The following FILIP1 variants were observed in gnomAD, a reference collection of about 807,000 sequenced individuals.
FILIP1 encodes filamin-A-interacting protein 1.
In FILIP1, 61 loss-of-function variants were observed where a neutral mutation model predicts 102.1. The observed-to-expected ratio is 0.60, with a 90% CI of 0.49 to 0.74. The LOEUF (loss-of-function observed/expected upper bound fraction) is 0.74. Among genes scored for constraint, FILIP1 ranks in the 30% least tolerant of loss-of-function variants. The pLI, the probability that FILIP1 is intolerant of heterozygous loss-of-function variation, is 0.00. For missense variants in FILIP1, 1,314 were observed against 1,441.2 expected (o/e 0.91, Z 1.43); for synonymous variants, 491 against 526.9 (o/e 0.93, Z 0.93).
In FILIP1 at chr6:75,312,646, T is replaced by C. The variant is rs777003017; in HGVS notation, c.3186A>G (p.Thr1062=). 1 of 1,614,226 alleles carries C rather than the reference T, an allele frequency of 6.2e-7. No individual in the cohort carries two copies. Among genetic ancestry groups the C allele is most frequent in the South Asian group, 1.1e-5 (1 of 91,088 alleles). ...KYNSNANIIT[T]EDNKIHIHLG... ...AGTGAATGTGAATTTTATTGTCCTC[T>C]GTGGTTATGATATTGGCATTGGAGT... is the stretch of plus-strand genomic sequence containing the variant. Residue 1062 remains threonine (T), a synonymous_variant, in exon 5 of 6, where the codon ACA becomes ACG. Transcript: ENST00000237172.
Position 75,314,721 on chromosome 6 carries a change from A to G in FILIP1, c.1111T>C (p.Cys371Arg), listed in dbSNP as rs1247236700. 1 of 1,613,970 alleles carries G rather than the reference A, an allele frequency of 6.2e-7. No homozygotes were observed. Among genetic ancestry groups the G allele is most frequent in the African/African-American group, 1.3e-5 (1 of 74,890 alleles). Residue 371 changes from cysteine (C) to arginine (R), a missense_variant, in exon 5 of 6, where the codon TGT becomes CGT. Cys to Arg is a radical substitution (Grantham distance 180, BLOSUM62 -3). Around this residue, in one of 3 missense-constraint regions of FILIP1, gnomAD observed 494 missense variants for 511.2 expected, o/e 0.97. Transcript: ENST00000237172. ...TCTGCCATGAGGCTAGAGTTTCCAC[A>G]TTCTCCTTTGGCAATTTTATCTCTT... The part of the protein sequence containing the change: ...ELRDKIAKGE[C>R]GNSSLMAEVE...
intron 4 of FILIP1, among the ~76,000 whole-genome samples, chr6:75,320,181 C>A (rs1438820170): frequency 6.6e-6 from 1 of 152,150 alleles, no homozygotes; most frequent in Non-Finnish European, 1.5e-5. Context: ...TGCGTAATGC[C>A]TGACACATAG....
At chr6:75,412,783 A>C (rs1777123037) in intron 2 of FILIP1, among the ~76,000 whole-genome samples, 1 of 152,116 alleles carries the variant, frequency 6.6e-6, no homozygotes, top group South Asian at 2.1e-4. Flanking sequence ...GTGTGTGTGC[A>C]TATATATATG....
downstream of FILIP1, among the ~76,000 whole-genome samples, chr6:75,306,528 A>G (rs1215614640): frequency 6.6e-6 from 1 of 152,242 alleles, no homozygotes; most frequent in South Asian, 2.1e-4. Context: ...TCAGGTACAC[A>G]TTAGTAAAAA....
At chr6:75,411,434 T>C (rs1169439212) in intron 2 of FILIP1, among the ~76,000 whole-genome samples, 2 of 152,244 alleles carry the variant, frequency 1.3e-5, no homozygotes, top group Non-Finnish European at 2.9e-5. Context: ...AGATCCCATT[T>C]GTCAATTTTG....
At position 75,313,008 on chromosome 6, in the gene FILIP1, T is replaced by C. The variant is rs772998565; in HGVS notation, c.2824A>G (p.Ile942Val). The change falls in exon 5 of 6, where the codon ATT (isoleucine) becomes GTT (valine). Residue 942 changes from isoleucine (I) to valine (V), a missense_variant. Transcript: ENST00000237172. This position sits in a 1 kb window ranked among gnomAD's most constrained non-coding sequence, Gnocchi z 4.2. ...GGTTTCTGATTCCCTAAGGTAGGAATGACAGTGGTACTAGAAAAAAATTCT... is the reference window on the plus strand; with the variant it reads ...GGTTTCTGATTCCCTAAGGTAGGAACGACAGTGGTACTAGAAAAAAATTCT... ...SEEFFSSTTV[I>V]PTLGNQKPRI... The C allele has an allele frequency of 6.2e-6, 10 of 1,614,206 alleles. No homozygotes were observed. The East Asian group carries it at 2.0e-4, about 32-fold the overall frequency.
intron 2 of FILIP1, among the ~76,000 whole-genome samples, chr6:75,372,060 C>T (rs2149625855): frequency 6.6e-6 from 1 of 152,100 alleles, no homozygotes; most frequent in East Asian, 1.9e-4. Flanking sequence ...ATCGTATGTG[C>T]AATAAGAATT....
intron 2 of FILIP1, among the ~76,000 whole-genome samples, chr6:75,373,831 A>G (rs148465767): frequency 2.0e-5 from 3 of 152,222 alleles, no homozygotes; most frequent in African/African-American, 7.2e-5. Flanking sequence ...CAACATGGCA[A>G]AACCCTGTCT....
Position 75,308,475 on chromosome 6 carries a change from G to T in FILIP1, c.*216C>A. ...AACTGGAACTAGAAACCACGCCCTG[G>T]CTTCTAGGCAGCAAGCAATAGTTTT... On this transcript the variant is annotated 3_prime_UTR_variant, in exon 6 of 6. Transcript: ENST00000237172. 7.3e-7 allele frequency: 1 copy of T among 1,379,304 alleles called. No individual in the cohort carries two copies. Among genetic ancestry groups the T allele is most frequent in the Non-Finnish European group, 9.4e-7 (1 of 1,066,160 alleles). The allele number at this position is 1,379,304 out of a possible 1,614,324, so 85.4% of individuals were successfully genotyped here.
intron 4 of FILIP1, among the ~76,000 whole-genome samples, chr6:75,315,421 T>C (rs1209071005): frequency 6.6e-6 from 1 of 152,168 alleles, no homozygotes; most frequent in East Asian, 1.9e-4. Flanking sequence ...GGGCTTTGAG[T>C]GTAACTAGTT....
intron 2 of FILIP1, among the ~76,000 whole-genome samples, chr6:75,378,119 G>A (rs1163921492): frequency 6.6e-6 from 1 of 152,070 alleles, no homozygotes; most frequent in Non-Finnish European, 1.5e-5. Context: ...CTGCTTAAAG[G>A]CATCTTATTT....
chr6:75,451,185 A>T (rs942126619), intron 1 of FILIP1, among the ~76,000 whole-genome samples: 1 of 151,182 alleles, frequency 6.6e-6, no homozygotes, highest in African/African-American at 2.4e-5. Flanking sequence ...CAGTATAAAC[A>T]AAATTCAGAG....
intron 1 of FILIP1, chr6:75,428,291 C>A (rs890770106): frequency 3.3e-5 from 5 of 152,410 alleles, no homozygotes; most frequent in Non-Finnish European, 5.9e-5. Flanking sequence ...AGTACCAAGA[C>A]TATACCAGCC....
At chr6:75,296,341 T>TTGTGTGTGTGTGTGTG (rs57430339) in intron 6 of FILIP1, among the ~76,000 whole-genome samples, 1 of 141,484 alleles carries the variant, frequency 7.1e-6, no homozygotes, top group African/African-American at 2.7e-5. Flanking sequence ...TTCAATTTCT[T>TTGTGTGTGTGTGTGTG]TGTGTGTGTG....
At chr6:75,379,946 C>T (rs1292967954) in intron 2 of FILIP1, among the ~76,000 whole-genome samples, 1 of 152,146 alleles carries the variant, frequency 6.6e-6, no homozygotes, top group Non-Finnish European at 1.5e-5. Flanking sequence ...TCTTGTCTGT[C>T]TCCTCCTCTA....
Position 75,314,745 on chromosome 6 carries a change from T to G in FILIP1, c.1087A>C (p.Arg363=), listed in dbSNP as rs919711527. Residue 363 remains arginine, a synonymous_variant, in exon 5 of 6, where the codon AGA becomes CGA. Transcript: ENST00000237172. ...QKAEEELQEL[R]DKIAKGECGN... is the part of the protein sequence containing the mutation. ...CATTCTCCTTTGGCAATTTTATCTCTTAATTCTTGAAGTTCTTCCTCTGCC... is the reference window on the plus strand; with the variant it reads ...CATTCTCCTTTGGCAATTTTATCTCGTAATTCTTGAAGTTCTTCCTCTGCC... 29 of 1,614,202 alleles carry G rather than the reference T, an allele frequency of 1.8e-5. No individual in the cohort carries two copies. Among genetic ancestry groups the G allele is most frequent in the Non-Finnish European group, 2.4e-5 (28 of 1,180,014 alleles).
At position 75,450,943 on chromosome 6, in the gene FILIP1, G is replaced by A. The variant is rs191162247; in HGVS notation, c.-6-35965C>T. Reference sequence around the variant, plus strand: ...GCACTCCAGCCTGAGCAACAAGAGCGAAACTCCATCTCAAAAAAATTAGTT... The same window carrying A: ...GCACTCCAGCCTGAGCAACAAGAGCAAAACTCCATCTCAAAAAAATTAGTT... On this transcript the variant is annotated intron_variant, in intron 1 of 5. Coordinates refer to ENST00000237172, the MANE Select transcript of FILIP1 (RefSeq NM_015687.5). 3.5e-4 allele frequency among the ~76,000 whole-genome samples: 53 copies of A among 152,142 alleles called. No individual in the cohort carries two copies. In the East Asian group the frequency reaches 9.6e-3, roughly 28 times the overall value.
At chr6:75,388,018 C>G (rs1031794821) in intron 2 of FILIP1, among the ~76,000 whole-genome samples, 2 of 152,144 alleles carry the variant, frequency 1.3e-5, no homozygotes, top group East Asian at 3.8e-4. Flanking sequence ...GGTTTTAGAT[C>G]TTACATTTAA....
chr6:75,362,787 T>C lies in FILIP1; in HGVS notation c.407A>G (p.Glu136Gly), dbSNP rs766671975. ...VLHRDAILAQ[E>G]KSIGEDVYEK... ...ATAGACATCTTCTCCTATGGATTTC[T>C]CCTGGGCAAGAATGGCATCTCGGTG... The change falls in exon 3 of 6, where the codon GAG (glutamate) becomes GGG (glycine). Residue 136 changes from glutamate to glycine, a missense_variant. Glu to Gly is a moderately conservative substitution (Grantham distance 98). This residue lies in a region of FILIP1 where 494 missense variants were observed against 511.2 expected (regional missense o/e 0.97). Coordinates refer to ENST00000237172, the MANE Select transcript of FILIP1 (RefSeq NM_015687.5). 6.2e-7 allele frequency: 1 copy of C among 1,613,870 alleles called. No homozygotes were observed.
Sources: allele counts gnomAD v4.1 joint callset (sites outside exome capture counted in the v4.1 genomes callset), GRCh38; gene constraint gnomAD v4.1.1; regional missense constraint gnomAD v4.1.1; non-coding constraint Gnocchi (gnomAD v3.1); transcripts MANE v1.5; gene names NCBI Gene and HGNC (gene_info 2026-07-23, HGNC 2026-07-21).